The following BTBD7 variants were observed in gnomAD, a reference collection of about 807,000 sequenced individuals.
BTBD7 encodes BTB/POZ domain-containing protein 7.
BTBD7 carries 38 observed loss-of-function variants against 99.9 expected under a neutral mutation model. The ratio of observed to expected loss-of-function variants is 0.38; its 90% CI spans 0.29 to 0.50. The LOEUF (loss-of-function observed/expected upper bound fraction) is 0.50. Ranked by LOEUF, BTBD7 falls within the 20% of genes least tolerant of loss-of-function variation. The pLI, the probability that BTBD7 is intolerant of heterozygous loss-of-function variation, is 0.93. For missense variants in BTBD7, 1,170 were observed against 1,394.6 expected (o/e 0.84, Z 2.57); for synonymous variants, 520 against 511.4 (o/e 1.02, Z -0.23).
Position 93,329,501 on chromosome 14 carries a change from T to C in BTBD7, c.-107+3319A>G, listed in dbSNP as rs117583924. Among the ~76,000 whole-genome samples the C allele has an allele frequency of 9.2e-3, 1,397 of 152,334 alleles. 31 individuals carry two copies. Among genetic ancestry groups the C allele is most frequent in the East Asian group, 0.085 (440 of 5,186 alleles). On this transcript the variant is annotated intron_variant, in intron 1 of 10. Transcript: ENST00000334746. ...AGAGACTCAGATATTTTAACATCCA[T>C]GTTCACAGCAGCTTTATTCACAACA...
At chr14:93,283,862 C>CTT (rs1160249410) in intron 3 of BTBD7, among the ~76,000 whole-genome samples, 1 of 152,086 alleles carries the variant, frequency 6.6e-6, no homozygotes, top group South Asian at 2.1e-4. Flanking sequence ...AATACAATGT[C>CTT]TTTTAAGTAT....
intron 1 of BTBD7, among the ~76,000 whole-genome samples, chr14:93,301,685 TCAAAAA>T (rs1411764858): frequency 2.0e-5 from 3 of 151,924 alleles, no homozygotes; most frequent in Non-Finnish European, 4.4e-5. Flanking sequence ...TGAGACTTTC[TCAAAAA>T]CAAAAACAAA....
chr14:93,257,675 T>C, intron 5 of BTBD7, among the ~76,000 whole-genome samples: 1 of 152,244 alleles, frequency 6.6e-6, no homozygotes, highest in East Asian at 1.9e-4. Context: ...CAAGGGCTTT[T>C]TAAAAAGCCT....
Position 93,307,908 on chromosome 14 carries a change from C to T in BTBD7, c.-106-11751G>A, listed in dbSNP as rs962947836. On this transcript the variant is annotated intron_variant, in intron 1 of 10. Transcript: ENST00000334746. ...AAAATAAACATTTAGTAAGGAAAGG[C>T]TTATCTGTAATCATTCTTCAAGATT... Among the ~76,000 whole-genome samples the T allele has an allele frequency of 3.3e-5, 5 of 152,278 alleles. No homozygotes were observed. The East Asian group carries it at 9.6e-4, about 29-fold the overall frequency.
rs757118592 is a variant in BTBD7, at chr14:93,248,603, C to T, written c.1994G>A (p.Arg665Gln). Reference protein sequence around the residue: ...KDMVRRLQELRHTEQVQRAYA... With the variant: ...KDMVRRLQELQHTEQVQRAYA... ...GGCCCTCTGCACCTGCTCCGTGTGCCGCAGTTCCTGCAGTCGTCTGACCAT... is the reference window on the plus strand; with the variant it reads ...GGCCCTCTGCACCTGCTCCGTGTGCTGCAGTTCCTGCAGTCGTCTGACCAT... The change falls in exon 9 of 11, where the codon CGG becomes CAG. Residue 665 changes from arginine (R) to glutamine (Q), a missense_variant. Coordinates refer to ENST00000334746, the MANE Select transcript of BTBD7 (RefSeq NM_001002860.4). 6.2e-6 allele frequency: 10 copies of T among 1,613,616 alleles called. No homozygotes were observed. The highest frequency in any genetic ancestry group is 4.4e-5 in the South Asian group (4 of 91,048).
chr14:93,243,866 G>C (rs2052268321), intron 10 of BTBD7: 1 of 155,824 alleles, frequency 6.4e-6, no homozygotes, highest in Non-Finnish European at 1.4e-5. Flanking sequence ...TTGTAGAACT[G>C]AGGGCCTGGC....
At chr14:93,306,806 T>A (rs954068087) in intron 1 of BTBD7, among the ~76,000 whole-genome samples, 1 of 152,210 alleles carries the variant, frequency 6.6e-6, no homozygotes, top group African/African-American at 2.4e-5. Context: ...TAATAATATA[T>A]GTATCACTGT....
At chr14:93,271,322 T>C (rs12590553) in intron 3 of BTBD7, among the ~76,000 whole-genome samples, 25,416 of 152,052 alleles carry the variant, frequency 0.17, 2,355 homozygotes, top group East Asian at 0.31. Context: ...TCAGGAAATA[T>C]ATAAACGACT....
intron 1 of BTBD7, among the ~76,000 whole-genome samples, chr14:93,324,522 C>T (rs1019935000): frequency 4.6e-5 from 7 of 152,058 alleles, no homozygotes; most frequent in African/African-American, 1.7e-4. Flanking sequence ...GTGGGGATGG[C>T]TCCAGGCCCA....
intron 1 of BTBD7, among the ~76,000 whole-genome samples, chr14:93,311,235 A>G (rs767155883): frequency 5.9e-5 from 9 of 152,278 alleles, no homozygotes; most frequent in Middle Eastern, 3.4e-3. Context: ...GTAGAGCCTT[A>G]TTCAAATTGG....
rs978087767 is a variant in BTBD7 at position 93,237,961 on chromosome 14, T to A, written c.*4312A>T. 1 of 152,486 alleles carries A rather than the reference T, an allele frequency of 6.6e-6. No homozygotes were observed. The highest frequency in any genetic ancestry group is 1.5e-5 in the Non-Finnish European group (1 of 68,032). 9.4% of individuals were successfully genotyped at this position (152,486 alleles called of 1,614,324 possible). A position where few individuals can be genotyped will look rare whatever the true frequency, so the allele number is the denominator to read the frequency against. On this transcript the variant is annotated 3_prime_UTR_variant, in exon 11 of 11. Transcript: ENST00000334746. ...TAGATGATTTTCCACCTCTCTGAAG[T>A]ACAGATGTGGTGCATACACAGCAAG...
chr14:93,290,535 T>A (rs796264290), intron 3 of BTBD7, among the ~76,000 whole-genome samples: 4,986 of 68,300 alleles, frequency 0.073, 347 homozygotes, highest in African/African-American at 0.23. Flanking sequence ...TTTTTTTTTT[T>A]AAGACAAAGT....
intron 3 of BTBD7, among the ~76,000 whole-genome samples, chr14:93,264,519 T>A (rs2052521696): frequency 6.6e-6 from 1 of 152,186 alleles, no homozygotes; most frequent in Non-Finnish European, 1.5e-5. Flanking sequence ...CTGAGCTTAA[T>A]TCTGGCAAAC....
At position 93,332,818 on chromosome 14, in the gene BTBD7, A is replaced by G; in HGVS notation, c.-107+2T>C. 1.4e-6 allele frequency: 2 copies of G among 1,471,938 alleles called. No homozygotes were observed. Among genetic ancestry groups the G allele is most frequent in the Non-Finnish European group, 1.8e-6 (2 of 1,118,332 alleles). The allele number at this position is 1,471,938 out of a possible 1,614,324, so 91.2% of individuals were successfully genotyped here. A position where few individuals can be genotyped will look rare whatever the true frequency, so the allele number is the denominator to read the frequency against. ...GCCTCAGAGACACCAAGGGACACTC[A>G]CCCCGGAGGCTCCTCCCGCCGCTGC... On this transcript the variant is annotated splice_donor_variant, in intron 1 of 10. Transcript: ENST00000334746. LOFTEE classifies it low-confidence loss of function (5UTR_SPLICE).
chr14:93,282,196 CTAAG>C (rs1379058781), intron 3 of BTBD7, among the ~76,000 whole-genome samples: 1 of 152,116 alleles, frequency 6.6e-6, no homozygotes, highest in Non-Finnish European at 1.5e-5. Flanking sequence ...ACAGTAACAG[CTAAG>C]TAATATCATT....
At chr14:93,325,704 G>A (rs2053323124) in intron 1 of BTBD7, among the ~76,000 whole-genome samples, 2 of 151,716 alleles carry the variant, frequency 1.3e-5, no homozygotes, top group Admixed American at 1.3e-4. Context: ...ATAAACATCA[G>A]TCAGAATCTA....
intron 5 of BTBD7, among the ~76,000 whole-genome samples, chr14:93,259,944 AT>A (rs1419601558): frequency 6.6e-6 from 1 of 152,246 alleles, no homozygotes; most frequent in Non-Finnish European, 1.5e-5. Flanking sequence ...AAATAAAAAA[AT>A]AAATCAAAAA....
At chr14:93,292,118 C>T (rs1262252431) in intron 3 of BTBD7, among the ~76,000 whole-genome samples, 2 of 152,162 alleles carry the variant, frequency 1.3e-5, no homozygotes, top group Non-Finnish European at 1.5e-5. Flanking sequence ...ATCCAGGAGG[C>T]GGAGGTTGCA....
intron 1 of BTBD7, among the ~76,000 whole-genome samples, chr14:93,300,704 TTGTGTGTGTGTGTG>T (rs57228905): frequency 0.045 from 3,891 of 87,002 alleles, 212 homozygotes; most frequent in East Asian, 0.063. Context: ...CCCAGCTAAT[TTGTGTGTGTGTGTG>T]TGTGTGTGTG....
Sources: allele counts gnomAD v4.1 joint callset (sites outside exome capture counted in the v4.1 genomes callset), GRCh38; gene constraint gnomAD v4.1.1; transcripts MANE v1.5; gene names NCBI Gene and HGNC (gene_info 2026-07-23, HGNC 2026-07-21).